IL15: variants seen among roughly 807,000 people sequenced by gnomAD.
The protein encoded by IL15 is interleukin-15.
IL15 carries 11 observed loss-of-function variants against 19.6 expected under a neutral mutation model. That is an observed-to-expected ratio of 0.56 (90% CI 0.35 to 0.93). The LOEUF (loss-of-function observed/expected upper bound fraction) is 0.93, where lower values mean the gene tolerates loss of function less well. Ranked by LOEUF, IL15 falls within the 40% of genes least tolerant of loss-of-function variation. IL15 has a pLI of 0.01. For missense variants in IL15, 197 were observed against 186.5 expected (o/e 1.06, Z -0.33); for synonymous variants, 58 against 59.6 (o/e 0.97, Z 0.12).
chr4:141,638,743 T>C (rs1182644179), intron 1 of IL15, among the ~76,000 whole-genome samples: 1 of 152,238 alleles, frequency 6.6e-6, no homozygotes, highest in African/African-American at 2.4e-5. Flanking sequence ...ATCTCAGATT[T>C]GCTGCCTCTG....
At chr4:141,720,403 A>C in intron 3 of IL15, 66 bp from the exon 4 acceptor site, 1 of 789,564 alleles carries the variant, frequency 1.3e-6, no homozygotes, top group Non-Finnish European at 2.2e-6. Context: ...ATATGTTGAC[A>C]TGTTATTTTA....
chr4:141,704,991 G>A (rs142978952), intron 2 of IL15, among the ~76,000 whole-genome samples: 2 of 150,862 alleles, frequency 1.3e-5, no homozygotes, highest in African/African-American at 4.9e-5. Flanking sequence ...CATAGGTAAA[G>A]GTTTGTTGAT....
chr4:141,728,828 A>AT (rs1325070933), intron 6 of IL15, among the ~76,000 whole-genome samples: 5 of 152,180 alleles, frequency 3.3e-5, no homozygotes, highest in African/African-American at 4.8e-5. Context: ...TTTTCTTTGC[A>AT]TTTTTTGTAA....
intron 4 of IL15, chr4:141,721,088 G>A (rs1579051083): frequency 1.6e-5 from 23 of 1,463,826 alleles, no homozygotes; most frequent in South Asian, 3.6e-5. Flanking sequence ...TTGGCCCAAA[G>A]CACCTAACCT....
intron 2 of IL15, among the ~76,000 whole-genome samples, chr4:141,659,226 G>C (rs1483970875): frequency 1.4e-5 from 2 of 141,636 alleles, no homozygotes; most frequent in African/African-American, 2.7e-5. Flanking sequence ...TTTTGGAGAC[G>C]GAGTCTTGCT....
intron 2 of IL15, among the ~76,000 whole-genome samples, chr4:141,713,485 A>G (rs143025102): frequency 1.9e-4 from 29 of 152,310 alleles, no homozygotes; most frequent in African/African-American, 7.0e-4. Flanking sequence ...ACTGGCAACA[A>G]AGTCTACAAG....
intron 5 of IL15, among the ~76,000 whole-genome samples, chr4:141,725,639 G>A (rs1197121462): frequency 6.6e-6 from 1 of 152,104 alleles, no homozygotes; most frequent in African/African-American, 2.4e-5. Flanking sequence ...TTAGAAAGTA[G>A]GTGTGGAGAA....
intron 1 of IL15, among the ~76,000 whole-genome samples, chr4:141,643,101 G>C (rs918569933): frequency 6.6e-6 from 1 of 152,194 alleles, no homozygotes; most frequent in Non-Finnish European, 1.5e-5. Context: ...GACAATTAGA[G>C]ATAAGGAAAC....
At chr4:141,697,407 C>T (rs2152180118) in intron 2 of IL15, among the ~76,000 whole-genome samples, 1 of 152,194 alleles carries the variant, frequency 6.6e-6, no homozygotes, top group Admixed American at 6.5e-5. Context: ...GTTTTGGTAA[C>T]TATATCCTCG....
At position 141,732,785 on chromosome 4, in the gene IL15, A is replaced by G; in HGVS notation, c.426A>G (p.Lys142=). The change falls in exon 8 of 8, where the codon AAA becomes AAG. Residue 142 remains lysine, a synonymous_variant. Coordinates refer to ENST00000320650, the MANE Select transcript of IL15 (RefSeq NM_000585.5). ...AAGAATGTGAGGAACTGGAGGAAAA[A>G]AATATTAAAGAATTTTTGCAGAGTT... The part of the protein sequence containing the change: ...GCKECEELEE[K]NIKEFLQSFV... The G allele has an allele frequency of 6.2e-7, 1 of 1,613,102 alleles. No homozygotes were observed. Among genetic ancestry groups the G allele is most frequent in the Non-Finnish European group, 8.5e-7 (1 of 1,179,668 alleles).
At chr4:141,640,184 C>G (rs1339689570) in intron 1 of IL15, among the ~76,000 whole-genome samples, 1 of 152,034 alleles carries the variant, frequency 6.6e-6, no homozygotes, top group Non-Finnish European at 1.5e-5. Context: ...CAGTAGGAAC[C>G]TAATGTGAAT....
At chr4:141,678,983 A>G (rs924314472) in intron 2 of IL15, among the ~76,000 whole-genome samples, 2 of 152,226 alleles carry the variant, frequency 1.3e-5, no homozygotes, top group African/African-American at 4.8e-5. Flanking sequence ...ATAACTATTA[A>G]TTTCTTTGTT....
chr4:141,652,629 A>G (rs530606040), intron 1 of IL15, among the ~76,000 whole-genome samples: 4 of 152,256 alleles, frequency 2.6e-5, no homozygotes, highest in Non-Finnish European at 5.9e-5. Context: ...GAAGCTAAGT[A>G]TTTGGAACAA....
chr4:141,703,401 T>C (rs1428380025), intron 2 of IL15, among the ~76,000 whole-genome samples: 1 of 152,172 alleles, frequency 6.6e-6, no homozygotes, highest in African/African-American at 2.4e-5. Context: ...TGAGATATAG[T>C]CAGGAATGGC....
At chr4:141,644,210 A>G (rs1401306555) in intron 1 of IL15, among the ~76,000 whole-genome samples, 1 of 151,820 alleles carries the variant, frequency 6.6e-6, no homozygotes, top group Non-Finnish European at 1.5e-5. Flanking sequence ...TCTCCACTCC[A>G]GCCTGTTCTC....
chr4:141,660,313 C>A (rs1478670335), intron 2 of IL15, among the ~76,000 whole-genome samples: 1 of 152,144 alleles, frequency 6.6e-6, no homozygotes, highest in Admixed American at 6.5e-5. Flanking sequence ...TTACTAGGAA[C>A]CTCACCAGTG....
chr4:141,690,544 A>G (rs1246732969), intron 2 of IL15, among the ~76,000 whole-genome samples: 2 of 152,226 alleles, frequency 1.3e-5, no homozygotes, highest in African/African-American at 4.8e-5. Context: ...GTATTATTCC[A>G]ATCAGTTTCC....
chr4:141,665,197 GATCT>G (rs1364730744), intron 2 of IL15, among the ~76,000 whole-genome samples: 2 of 151,826 alleles, frequency 1.3e-5, no homozygotes, highest in Non-Finnish European at 2.9e-5. Context: ...TATTTTGTCA[GATCT>G]ATCAATCTTC....
intron 1 of IL15, among the ~76,000 whole-genome samples, chr4:141,652,195 T>A (rs17461269): frequency 0.25 from 38,730 of 152,000 alleles, 6,078 homozygotes; most frequent in South Asian, 0.34. Context: ...ACCATTTAGA[T>A]AAGAATAGTT....
Sources: allele counts gnomAD v4.1 joint callset (sites outside exome capture counted in the v4.1 genomes callset), GRCh38; gene constraint gnomAD v4.1.1; transcripts MANE v1.5; gene names NCBI Gene and HGNC (gene_info 2026-07-23, HGNC 2026-07-21).